SV2C: variants seen among roughly 807,000 people sequenced by gnomAD.
SV2C encodes the protein solute carrier family 22 member B3.
In SV2C, 49 loss-of-function variants were observed where a neutral mutation model predicts 79.7. The observed-to-expected ratio is 0.61, with a 90% CI of 0.49 to 0.78. The LOEUF is 0.78. SV2C is among the 30% of genes least tolerant of loss of function. The pLI is 0.00. For synonymous variants in SV2C, 334 were observed against 333.2 expected, an observed-to-expected ratio of 1.00 and a Z score of -0.03; for missense variants, 833 against 912.9, an observed-to-expected ratio of 0.91 and a Z score of 1.13.
At chr5:75,850,750 G>A in the SV2C span, among the ~76,000 whole-genome samples, 1 of 152,082 alleles carries the variant, frequency 6.6e-6, no homozygotes, top group South Asian at 2.1e-4. Context: ...GCAACAAACA[G>A]GTCAGCAAGA....
At chr5:76,254,293 A>G (rs978195465) in intron 4 of SV2C, among the ~76,000 whole-genome samples, 33 of 151,964 alleles carry the variant, frequency 2.2e-4, no homozygotes, top group Admixed American at 3.9e-4. Flanking sequence ...ATTTAAAAAT[A>G]AATGTAATGC....
the SV2C span, among the ~76,000 whole-genome samples, chr5:75,996,592 G>A: frequency 0.47 from 71,125 of 151,584 alleles, 17,404 homozygotes; most frequent in Middle Eastern, 0.64. Flanking sequence ...CCATTTTCAC[G>A]ATATTGATTC....
chr5:76,029,488 A>T, the SV2C span, among the ~76,000 whole-genome samples: 3 of 152,218 alleles, frequency 2.0e-5, no homozygotes, highest in South Asian at 4.1e-4. Context: ...AGTCATCTGC[A>T]TTTTAACAAA....
chr5:76,324,098 A>G (rs1748911437), intron 12 of SV2C, among the ~76,000 whole-genome samples: 1 of 152,206 alleles, frequency 6.6e-6, no homozygotes, highest in Non-Finnish European at 1.5e-5. Context: ...AAGTAAATAT[A>G]TTGTTGCACT....
At chr5:75,895,001 T>A in the SV2C span, among the ~76,000 whole-genome samples, 1 of 152,116 alleles carries the variant, frequency 6.6e-6, no homozygotes, top group Non-Finnish European at 1.5e-5. Flanking sequence ...TAAAGACTTA[T>A]TGATTTCATA....
chr5:75,892,952 G>T, the SV2C span, among the ~76,000 whole-genome samples: 298 of 152,204 alleles, frequency 2.0e-3, 3 homozygotes, highest in Admixed American at 0.017. Context: ...TAATGGGATT[G>T]CTGGGATGAT....
At chr5:76,046,684 T>C in the SV2C span, among the ~76,000 whole-genome samples, 88,490 of 152,036 alleles carry the variant, frequency 0.58, 27,781 homozygotes, top group African/African-American at 0.82. Flanking sequence ...GCCAAGTCAG[T>C]ATTTTTAAAA....
rs569476427 is a variant in SV2C at position 76,176,988 on chromosome 5, G to A, written c.581-17931G>A. Reference sequence around the variant, plus strand: ...AAATTAGCCGAGCACGGTGGCGGGCGTCTGTAGTCCCAGCTACTCGGGAGG... The same window carrying A: ...AAATTAGCCGAGCACGGTGGCGGGCATCTGTAGTCCCAGCTACTCGGGAGG... On this transcript the variant is annotated intron_variant, in intron 2 of 12. Transcript: ENST00000502798. Among the ~76,000 whole-genome samples the A allele has an allele frequency of 1.3e-3, 202 of 151,706 alleles. 1 individual carries two copies. Among genetic ancestry groups the A allele is most frequent in the African/African-American group, 4.6e-3 (189 of 41,368 alleles).
chr5:76,275,419 A>G (rs2937751), intron 4 of SV2C, among the ~76,000 whole-genome samples: 21,695 of 151,480 alleles, frequency 0.14, 2,076 homozygotes, highest in African/African-American at 0.27. Flanking sequence ...CCCGGGAGGC[A>G]GAGCTTGCAG....
In SV2C at chr5:76,272,571, C is replaced by G. The variant is rs1331670746; in HGVS notation, c.914-12591C>G. Among the ~76,000 whole-genome samples, 3 of 152,214 alleles carry G rather than the reference C, an allele frequency of 2.0e-5. No individual in the cohort carries two copies. The East Asian group carries it at 5.8e-4, about 29-fold the overall frequency. The stretch of plus-strand genomic sequence containing the variant: ...CAAGTCCTCTATCAACTTTTGGACA[C>G]TTGTCTCAGGACTAACTGCAGTTTA... On this transcript the variant is annotated intron_variant, in intron 4 of 12. Transcript: ENST00000502798.
the SV2C span, among the ~76,000 whole-genome samples, chr5:75,955,786 C>T: frequency 3.3e-5 from 5 of 150,106 alleles, no homozygotes; most frequent in African/African-American, 9.8e-5. Context: ...CCAAAAAACA[C>T]GTGAAAAAAT....
At chr5:75,875,170 A>G in the SV2C span, among the ~76,000 whole-genome samples, 6 of 152,222 alleles carry the variant, frequency 3.9e-5, no homozygotes, top group Non-Finnish European at 7.3e-5. Context: ...ACATTAACTG[A>G]TTTCAAACTA....
At chr5:75,967,592 A>G in the SV2C span, among the ~76,000 whole-genome samples, 1 of 152,272 alleles carries the variant, frequency 6.6e-6, no homozygotes, top group Middle Eastern at 3.4e-3. Context: ...GCAGTCTGAG[A>G]TCAAGCTGCA....
the SV2C span, among the ~76,000 whole-genome samples, chr5:76,071,778 C>G: frequency 3.3e-5 from 5 of 152,132 alleles, no homozygotes; most frequent in Non-Finnish European, 7.4e-5. Context: ...TGTTAGAACA[C>G]TAATTTGGAG....
At chr5:76,244,392 C>T (rs939061387) in intron 4 of SV2C, among the ~76,000 whole-genome samples, 2 of 152,170 alleles carry the variant, frequency 1.3e-5, no homozygotes, top group Non-Finnish European at 2.9e-5. Context: ...TGGTCTTGCC[C>T]AGTGCTGTCC....
At chr5:76,223,052 G>C (rs1422973481) in intron 4 of SV2C, among the ~76,000 whole-genome samples, 1 of 152,166 alleles carries the variant, frequency 6.6e-6, no homozygotes, top group East Asian at 1.9e-4. Flanking sequence ...CAGTGTGCAT[G>C]TGTGGCCCAG....
At position 76,174,087 on chromosome 5, in the gene SV2C, C is replaced by T. The variant is rs766992321; in HGVS notation, c.581-20832C>T. The T allele has an allele frequency of 2.8e-5, 44 of 1,576,738 alleles. No homozygotes were observed. In the South Asian group the frequency reaches 3.0e-4, roughly 11 times the overall value. ...CTATAAGAATCTTCTATCGTAGGAT[C>T]GTATTTTTCTACAAAAATTCCTTGA... On this transcript the variant is annotated intron_variant, in intron 2 of 12. Coordinates refer to ENST00000502798, the MANE Select transcript of SV2C (RefSeq NM_014979.4).
the SV2C span, chr5:75,910,316 TG>T: frequency 1.9e-6 from 1 of 535,258 alleles, no homozygotes; most frequent in Non-Finnish European, 3.7e-6. Flanking sequence ...GTCAGCCAGT[TG>T]CTCCTCGTAG....
At chr5:75,871,793 C>T in the SV2C span, among the ~76,000 whole-genome samples, 21 of 144,546 alleles carry the variant, frequency 1.5e-4, no homozygotes, top group East Asian at 2.4e-3. Context: ...GGCAACAGAG[C>T]GAGACTCTGT....
Sources: gnomAD v4.1 joint callset for allele counts (sites outside exome capture counted in the v4.1 genomes callset) on GRCh38, gnomAD v4.1.1 for gene constraint, MANE v1.5 for transcripts, NCBI Gene and HGNC (gene_info 2026-07-23, HGNC 2026-07-21) for gene names.